Variants in COL25A1 observed in about 807,000 individuals in gnomAD.
COL25A1 encodes the protein collagen alpha-1(XXV) chain.
A neutral mutation model predicts 128.4 loss-of-function variants in COL25A1; 103 were observed. The observed-to-expected ratio is 0.80, with a 90% confidence interval of 0.68 to 0.94. COL25A1 has a LOEUF of 0.94. Among genes scored for constraint, COL25A1 ranks in the 40% least tolerant of loss-of-function variants. COL25A1 has a pLI of 0.00. For synonymous variants in COL25A1, 279 were observed against 277.2 expected (o/e 1.01, Z -0.06); for missense variants, 745 against 840.0 (o/e 0.89, Z 1.40).
At chr4:109,206,933 A>G (rs1392194708) in intron 3 of COL25A1, among the ~76,000 whole-genome samples, 1 of 152,144 alleles carries the variant, frequency 6.6e-6, no homozygotes, top group Non-Finnish European at 1.5e-5. Context: ...AACCAAATGA[A>G]CGTCTTTTAG....
chr4:109,249,889 T>C (rs1406868912), intron 3 of COL25A1, among the ~76,000 whole-genome samples: 1 of 152,192 alleles, frequency 6.6e-6, no homozygotes, highest in African/African-American at 2.4e-5. Flanking sequence ...CTTTGCAAAT[T>C]CACCCCCATT....
At chr4:108,871,166 T>C (rs1474166081) in intron 19 of COL25A1, among the ~76,000 whole-genome samples, 1 of 152,150 alleles carries the variant, frequency 6.6e-6, no homozygotes, top group East Asian at 1.9e-4. Flanking sequence ...CTTTAGTAAG[T>C]GTATGGAAAG....
chr4:108,933,851 GACAC>G (rs3065581), intron 11 of COL25A1, among the ~76,000 whole-genome samples: 13 of 148,772 alleles, frequency 8.7e-5, no homozygotes, highest in African/African-American at 2.2e-4. Context: ...CAAGTTCACA[GACAC>G]ACACACACAC....
chr4:109,015,554 T>G (rs1233761130), intron 5 of COL25A1, among the ~76,000 whole-genome samples: 2 of 152,056 alleles, frequency 1.3e-5, no homozygotes, highest in Non-Finnish European at 2.9e-5. Context: ...GGAAAATACA[T>G]GAGAAAGTGG....
intron 3 of COL25A1, among the ~76,000 whole-genome samples, chr4:109,231,966 A>G (rs1717531029): frequency 6.6e-6 from 1 of 152,190 alleles, no homozygotes; most frequent in Admixed American, 6.5e-5. Flanking sequence ...CAATTACTCA[A>G]CATACGATAG....
intron 6 of COL25A1, among the ~76,000 whole-genome samples, chr4:108,988,448 G>A (rs944381103): frequency 1.3e-5 from 2 of 152,074 alleles, no homozygotes; most frequent in African/African-American, 4.8e-5. Context: ...TGCCTTTTGG[G>A]GTGACTACAA....
At chr4:108,827,286 T>G in intron 32 of COL25A1, 98 bp from the exon 33 acceptor site, 1 of 1,051,616 alleles carries the variant, frequency 9.5e-7, no homozygotes, top group Middle Eastern at 2.1e-4. Flanking sequence ...TCAAGGACCA[T>G]TCTATGAAAA....
At chr4:109,229,353 C>T (rs1779017291) in intron 3 of COL25A1, among the ~76,000 whole-genome samples, 1 of 152,202 alleles carries the variant, frequency 6.6e-6, no homozygotes, top group Non-Finnish European at 1.5e-5. Context: ...TTCCTGTAAG[C>T]CTCTGGTTAC....
At chr4:109,196,681 G>A (rs1370830275) in intron 3 of COL25A1, among the ~76,000 whole-genome samples, 2 of 152,176 alleles carry the variant, frequency 1.3e-5, no homozygotes, top group Non-Finnish European at 2.9e-5. Flanking sequence ...TGTGTGTTCA[G>A]AAGTAAGAAC....
At chr4:108,897,395 GA>G (rs1311850983) in intron 15 of COL25A1, among the ~76,000 whole-genome samples, 1 of 152,146 alleles carries the variant, frequency 6.6e-6, no homozygotes, top group Non-Finnish European at 1.5e-5. Flanking sequence ...ATGCATTAGG[GA>G]AATAAGCATT....
intron 37 of COL25A1, among the ~76,000 whole-genome samples, chr4:108,814,377 A>C (rs1731055531): frequency 6.6e-6 from 1 of 152,216 alleles, no homozygotes; most frequent in Admixed American, 6.6e-5. Flanking sequence ...TGTTTACGTC[A>C]CCAACACCTG....
At chr4:109,019,304 T>A (rs1757481520) in intron 5 of COL25A1, among the ~76,000 whole-genome samples, 1 of 148,434 alleles carries the variant, frequency 6.7e-6, no homozygotes, top group African/African-American at 2.5e-5. Flanking sequence ...ATCATGTAAG[T>A]TAATACTTAA....
At chr4:109,021,978 T>C (rs1052819835) in intron 5 of COL25A1, among the ~76,000 whole-genome samples, 1 of 152,222 alleles carries the variant, frequency 6.6e-6, no homozygotes, top group African/African-American at 2.4e-5. Flanking sequence ...CTGCTGAACA[T>C]AGACCCTTAT....
In COL25A1 at chr4:109,254,505, A is replaced by ATATATATATATGTGTG. The variant is rs1383703429; in HGVS notation, c.367+46077_367+46078insCACACATATATATATA. 4.7e-4 allele frequency among the ~76,000 whole-genome samples: 49 copies of ATATATATATATGTGTG among 104,974 alleles called. 1 individual carries two copies. Among genetic ancestry groups the ATATATATATATGTGTG allele is most frequent in the East Asian group, 2.1e-3 (7 of 3,268 alleles). The allele number at this position is 104,974 out of a possible 152,430, so 68.9% of individuals were successfully genotyped here. A position where few individuals can be genotyped will look rare whatever the true frequency, so the allele number is the denominator to read the frequency against. On this transcript the variant is annotated intron_variant, in intron 3 of 37. Coordinates refer to ENST00000399132, the MANE Select transcript of COL25A1 (RefSeq NM_198721.4). The stretch of plus-strand genomic sequence containing the variant: ...TATATATATATATATATATATATAT[A>ATATATATATATGTGTG]TGTATGTGTGTATATACATATACAT...
At chr4:109,149,919 T>C (rs186409668) in intron 3 of COL25A1, among the ~76,000 whole-genome samples, 127 of 152,106 alleles carry the variant, frequency 8.3e-4, no homozygotes, top group African/African-American at 2.9e-3. Flanking sequence ...GGTAGTTTTT[T>C]GGAAATAATT....
At chr4:109,049,216 T>C (rs1376980122) in intron 4 of COL25A1, among the ~76,000 whole-genome samples, 1 of 152,196 alleles carries the variant, frequency 6.6e-6, no homozygotes, top group African/African-American at 2.4e-5. Context: ...TTTTTAATAT[T>C]GAAAAATACT....
rs1323186023 is a variant in COL25A1, at chr4:108,812,738, G to A, written c.*1189C>T. On this transcript the variant is annotated 3_prime_UTR_variant, in exon 38 of 38. Transcript: ENST00000399132. ...AAACTTTGTAGGAAATGTTTGACAT[G>A]GTTGGATCGTAGGAGGAAGGAAAGC... 6.6e-6 allele frequency: 1 copy of A among 152,316 alleles called. No individual in the cohort carries two copies. The highest frequency in any genetic ancestry group is 1.9e-4 in the East Asian group (1 of 5,190). 9.4% of individuals were successfully genotyped at this position (152,316 alleles called of 1,614,324 possible).
chr4:109,231,634 C>T (rs1204936530), intron 3 of COL25A1, among the ~76,000 whole-genome samples: 1 of 152,112 alleles, frequency 6.6e-6, no homozygotes, highest in Admixed American at 6.6e-5. Context: ...TGTTTTTAAG[C>T]TACTCTAAAT....
chr4:108,917,536 G>A (rs1195938248), intron 13 of COL25A1, among the ~76,000 whole-genome samples: 3 of 152,184 alleles, frequency 2.0e-5, no homozygotes, highest in Non-Finnish European at 4.4e-5. Flanking sequence ...CAGGGATGTT[G>A]AGGAGCTATG....
Sources: gnomAD v4.1 joint callset for allele counts (sites outside exome capture counted in the v4.1 genomes callset) on GRCh38, gnomAD v4.1.1 for gene constraint, MANE v1.5 for transcripts, NCBI Gene and HGNC (gene_info 2026-07-23, HGNC 2026-07-21) for gene names.